PLCB1: variants seen among roughly 807,000 people sequenced by gnomAD.
The protein encoded by PLCB1 is phospholipase C beta 1.
Under a neutral mutation model 161.8 loss-of-function variants are expected in PLCB1, and 46 were observed. The ratio of observed to expected loss-of-function variants is 0.28; its 90% CI spans 0.22 to 0.36. The LOEUF is 0.36. Ranked by LOEUF, PLCB1 falls within the 10% of genes least tolerant of loss-of-function variation. The pLI is 1.00. For missense variants in PLCB1, 1,016 were observed against 1,472.5 expected, an observed-to-expected ratio of 0.69 and a Z score of 5.07; for synonymous variants, 517 against 503.7, an observed-to-expected ratio of 1.03 and a Z score of -0.35.
intron 2 of PLCB1, among the ~76,000 whole-genome samples, chr20:8,191,704 T>G (rs2051972785): frequency 1.3e-5 from 2 of 152,054 alleles, no homozygotes; most frequent in African/African-American, 4.8e-5. Flanking sequence ...GAAATTAAGC[T>G]GACTTAATTA....
chr20:8,299,411 GACACAC>G (rs926200349), intron 2 of PLCB1, among the ~76,000 whole-genome samples: 3 of 151,758 alleles, frequency 2.0e-5, no homozygotes, highest in Non-Finnish European at 2.9e-5. Flanking sequence ...CACACACGTA[GACACAC>G]ACACAACTTT....
chr20:8,523,776 G>A (rs1463200852), intron 3 of PLCB1, among the ~76,000 whole-genome samples: 2 of 151,692 alleles, frequency 1.3e-5, no homozygotes, highest in East Asian at 1.9e-4. Flanking sequence ...TGCGCATTGG[G>A]AGGGAAGAAG....
At chr20:8,683,856 G>T (rs1990279838) in intron 9 of PLCB1, among the ~76,000 whole-genome samples, 1 of 151,012 alleles carries the variant, frequency 6.6e-6, no homozygotes, top group African/African-American at 2.4e-5. Context: ...TTTATTTTCT[G>T]TTTCAGAGAA....
intron 23 of PLCB1, among the ~76,000 whole-genome samples, chr20:8,744,841 G>C (rs1450867119): frequency 6.6e-6 from 1 of 151,844 alleles, no homozygotes; most frequent in Non-Finnish European, 1.5e-5. Flanking sequence ...AGGTTGTAGG[G>C]CTCTTTTCAC....
At chr20:8,840,786 C>A (rs1378341380) in intron 31 of PLCB1, among the ~76,000 whole-genome samples, 1 of 151,930 alleles carries the variant, frequency 6.6e-6, no homozygotes, top group South Asian at 2.1e-4. Context: ...AAATCACTTC[C>A]CCCCTTTTTA....
chr20:8,740,464 C>CACATATGCAGACAG lies in PLCB1; in HGVS notation c.2413+17_2413+18insCATATGCAGACAGA. On this transcript the variant is annotated intron_variant, in intron 22 of 31. Transcript: ENST00000338037. Reference sequence around the variant, plus strand: ...ACATATGCAGGTAAACAACTTAACTCAAATACCACTTTACTCAAAGGGGTA... The same window carrying CACATATGCAGACAG: ...ACATATGCAGGTAAACAACTTAACTCACATATGCAGACAGAAATACCACTTTACTCAAAGGGGTA... The CACATATGCAGACAG allele has an allele frequency of 7.2e-7, 1 of 1,382,442 alleles. No individual in the cohort carries two copies. Among genetic ancestry groups the CACATATGCAGACAG allele is most frequent in the Non-Finnish European group, 1.0e-6 (1 of 999,808 alleles). 85.6% of individuals were successfully genotyped at this position (1,382,442 alleles called of 1,614,324 possible). A position where few individuals can be genotyped will look rare whatever the true frequency, so the allele number is the denominator to read the frequency against.
chr20:8,707,287 A>G (rs1479553949), intron 11 of PLCB1, among the ~76,000 whole-genome samples: 1 of 152,154 alleles, frequency 6.6e-6, no homozygotes, highest in African/African-American at 2.4e-5. Context: ...AAAGAACGCT[A>G]TATATTGAAT....
At chr20:8,543,492 G>C (rs1985414597) in intron 3 of PLCB1, among the ~76,000 whole-genome samples, 1 of 151,688 alleles carries the variant, frequency 6.6e-6, no homozygotes, top group Non-Finnish European at 1.5e-5. Flanking sequence ...AACTTTTAAG[G>C]GTAATAGAAA....
At chr20:8,722,526 G>C (rs1979704823) in intron 15 of PLCB1, 105 bp downstream of exon 15, 1 of 682,616 alleles carries the variant, frequency 1.5e-6, no homozygotes, top group East Asian at 3.1e-5. Context: ...AAGTAGATTT[G>C]TGCCTTCCAA....
chr20:8,387,658 T>C (rs1281878800), intron 3 of PLCB1, among the ~76,000 whole-genome samples: 1 of 152,144 alleles, frequency 6.6e-6, no homozygotes, highest in Non-Finnish European at 1.5e-5. Flanking sequence ...AAACCTTCAA[T>C]TTGTAAAAAC....
intron 2 of PLCB1, among the ~76,000 whole-genome samples, chr20:8,362,897 T>C (rs8121340): frequency 0.19 from 28,908 of 152,152 alleles, 3,086 homozygotes; most frequent in East Asian, 0.38. Context: ...TTTGGGGATA[T>C]GTGGATTACT....
At chr20:8,210,222 C>A (rs904777088) in intron 2 of PLCB1, among the ~76,000 whole-genome samples, 17 of 152,014 alleles carry the variant, frequency 1.1e-4, no homozygotes, top group African/African-American at 3.4e-4. Context: ...ATGAAATAAG[C>A]ATTAATATCA....
At chr20:8,183,182 G>C (rs1021471184) in intron 2 of PLCB1, among the ~76,000 whole-genome samples, 2 of 152,186 alleles carry the variant, frequency 1.3e-5, no homozygotes, top group Admixed American at 1.3e-4. Context: ...CATCCTTGTA[G>C]AGAAGGAGAT....
chr20:8,649,607 G>A lies in PLCB1; in HGVS notation c.594+158G>A, dbSNP rs1989256283. On this transcript the variant is annotated intron_variant, in intron 7 of 31. Transcript: ENST00000338037. ...GTTAATGAATTAATGGATTATCATC[G>A]GAGAGGAACTGGTGGCTTTATAAGA... 16 of 596,444 alleles carry A rather than the reference G, an allele frequency of 2.7e-5. 1 individual carries two copies. Among genetic ancestry groups the A allele is most frequent in the Middle Eastern group, 8.4e-4 (2 of 2,368 alleles). 36.9% of individuals were successfully genotyped at this position (596,444 alleles called of 1,614,324 possible).
intron 3 of PLCB1, among the ~76,000 whole-genome samples, chr20:8,525,167 A>G (rs1338074395): frequency 6.7e-6 from 1 of 148,500 alleles, no homozygotes; most frequent in Non-Finnish European, 1.5e-5. Flanking sequence ...GGAAAAAAAA[A>G]GTAATTTTTC....
intron 27 of PLCB1, among the ~76,000 whole-genome samples, chr20:8,778,873 G>A (rs1395141533): frequency 1.3e-5 from 2 of 152,152 alleles, no homozygotes; most frequent in Non-Finnish European, 2.9e-5. Context: ...TGCGACGTGT[G>A]TGCCAAAGCT....
intron 3 of PLCB1, among the ~76,000 whole-genome samples, chr20:8,541,597 A>AAAGAAAGAAAGAAAGAAAGAAAGG (rs1568500404): frequency 5.3e-5 from 8 of 151,486 alleles, no homozygotes; most frequent in Non-Finnish European, 8.8e-5. Context: ...AGAAAGAAAG[A>AAAGAAAGAAAGAAAGAAAGAAAGG]AAGAAAGAAA....
intron 2 of PLCB1, among the ~76,000 whole-genome samples, chr20:8,208,375 AC>A (rs1330124964): frequency 6.6e-6 from 1 of 152,058 alleles, no homozygotes; most frequent in African/African-American, 2.4e-5. Flanking sequence ...AATGGACACA[AC>A]CTTTGAGAAG....
intron 10 of PLCB1, among the ~76,000 whole-genome samples, chr20:8,696,044 G>A (rs1031775182): frequency 6.6e-6 from 1 of 152,106 alleles, no homozygotes; most frequent in Admixed American, 6.5e-5. Flanking sequence ...TCCATTGCTT[G>A]TGTTTTTGGT....
Sources: allele counts gnomAD v4.1 joint callset (sites outside exome capture counted in the v4.1 genomes callset), GRCh38; gene constraint gnomAD v4.1.1; transcripts MANE v1.5; gene names NCBI Gene and HGNC (gene_info 2026-07-23, HGNC 2026-07-21).